Variants in CDKN2A observed in about 807,000 individuals in gnomAD.
CDKN2A encodes cyclin-dependent kinase inhibitor 2A.
CDKN2A carries 3 observed loss-of-function variants against 11.1 expected under a neutral mutation model. That is an observed-to-expected ratio of 0.27 (90% CI 0.12 to 0.70). The LOEUF is 0.70. CDKN2A is among the 30% of genes least tolerant of loss of function. The pLI is 0.77. For missense variants in CDKN2A, 265 were observed against 233.6 expected (o/e 1.13, Z -0.88); for synonymous variants, 122 against 108.1 (o/e 1.13, Z -0.80).
At chr9:21,973,963 T>C (rs746209461) in intron 1 of CDKN2A, among the ~76,000 whole-genome samples, 1 of 151,980 alleles carries the variant, frequency 6.6e-6, no homozygotes, top group Non-Finnish European at 1.5e-5. Context: ...ATCTCGCTGT[T>C]CACTACAACC....
At chr9:21,994,580 C>T (rs1563903454) in intron 1 of CDKN2A, 1 of 967,644 alleles carries the variant, frequency 1.0e-6, no homozygotes, top group Non-Finnish European at 1.4e-6. Context: ...GAGCCCTGCG[C>T]ACGCGGGAAG....
Position 21,968,530 on chromosome 9 carries a change from A to C in CDKN2A, c.458-288T>G. ...GCGACCGCGCGGCCCGCAGGGTTGCAAGAAGAAAACGAGTGTTATATAATG... is the reference window on the plus strand; with the variant it reads ...GCGACCGCGCGGCCCGCAGGGTTGCCAGAAGAAAACGAGTGTTATATAATG... On this transcript the variant is annotated intron_variant, in intron 2 of 2. Transcript: ENST00000304494. The surrounding 1 kb of genome is among the most constrained non-coding windows in gnomAD (Gnocchi z 4.7). The C allele has an allele frequency of 6.9e-7, 1 of 1,450,370 alleles. No individual in the cohort carries two copies. Among genetic ancestry groups the C allele is most frequent in the Non-Finnish European group, 9.0e-7 (1 of 1,108,872 alleles). 89.8% of individuals were successfully genotyped at this position (1,450,370 alleles called of 1,614,324 possible).
At chr9:21,970,707 A>T (rs561052053) in intron 2 of CDKN2A, 195 bp downstream of exon 2, 1 of 683,258 alleles carries the variant, frequency 1.5e-6, no homozygotes, top group Non-Finnish European at 2.5e-6. Context: ...GCGCAAGTCC[A>T]TTTCGGGATT....
intron 2 of CDKN2A, among the ~76,000 whole-genome samples, chr9:21,980,892 GA>G (rs755915837): frequency 0.028 from 4,054 of 145,330 alleles, 187 homozygotes; most frequent in African/African-American, 0.079. Context: ...CCGGGGGGCG[GA>G]GCTTGCAGTG....
chr9:21,990,611 T>TGAGAGAGAGA (rs60431211), intron 2 of CDKN2A, among the ~76,000 whole-genome samples: 1,952 of 89,660 alleles, frequency 0.022, 157 homozygotes, highest in Middle Eastern at 0.058. Context: ...ACTAATTTGG[T>TGAGAGAGAGA]GAGAGAGAGA....
At position 21,988,515 on chromosome 9, in the gene CDKN2A, C is replaced by G. The variant is rs1239732384; in HGVS notation, c.-4+5367G>C. 1.3e-5 allele frequency among the ~76,000 whole-genome samples: 2 copies of G among 152,000 alleles called. No homozygotes were observed. Among genetic ancestry groups the G allele is most frequent in the Non-Finnish European group, 2.9e-5 (2 of 68,018 alleles). On this transcript the variant is annotated intron_variant, in intron 2 of 3. Coordinates refer to the CDKN2A transcript ENST00000494262. This position sits in a 1 kb window ranked among gnomAD's most constrained non-coding sequence, Gnocchi z 4.1. ...ATGCACTGAGAGACACTGACAAGCA[C>G]TGAGAATTTCTTCAACCACCCTTTT...
At position 21,971,011 on chromosome 9, in the gene CDKN2A, G is replaced by C. The variant is rs995881157; in HGVS notation, c.348C>G (p.Asp116Glu). The change falls in exon 2 of 3, where the codon GAC becomes GAG. Residue 116 changes from aspartate to glutamate, a missense_variant. Asp to Glu is a conservative substitution (Grantham distance 45). Transcript: ENST00000304494. Reference protein sequence around the residue: ...VRDAWGRLPVDLAEELGHRDV... With the variant: ...VRDAWGRLPVELAEELGHRDV... ...CGCGATGGCCCAGCTCCTCAGCCAG[G>C]TCCACGGGCAGACGGCCCCAGGCAT... 1 of 1,608,380 alleles carries C rather than the reference G, an allele frequency of 6.2e-7. No individual in the cohort carries two copies. Among genetic ancestry groups the C allele is most frequent in the East Asian group, 2.2e-5 (1 of 44,874 alleles).
intron 2 of CDKN2A, among the ~76,000 whole-genome samples, chr9:21,986,076 G>C (rs1010755778): frequency 6.6e-6 from 1 of 151,984 alleles, no homozygotes; most frequent in South Asian, 2.1e-4. Context: ...GACTACCATA[G>C]GGTCTCAGGT....
Position 21,991,278 on chromosome 9 carries a change from T to G in CDKN2A, c.-4+2604A>C, listed in dbSNP as rs1587355102. Among the ~76,000 whole-genome samples, 1 of 152,038 alleles carries G rather than the reference T, an allele frequency of 6.6e-6. No homozygotes were observed. Among genetic ancestry groups the G allele is most frequent in the African/African-American group, 2.4e-5 (1 of 41,378 alleles). ...GCTGCCCAACACAAATTCATACACTTTCTTAAAGTATCATGAGTTTTTTTT... is the reference window on the plus strand; with the variant it reads ...GCTGCCCAACACAAATTCATACACTGTCTTAAAGTATCATGAGTTTTTTTT... On this transcript the variant is annotated intron_variant, in intron 2 of 3. Coordinates refer to the CDKN2A transcript ENST00000494262. The surrounding 1 kb of genome is among the most constrained non-coding windows in gnomAD (Gnocchi z 5.2).
At chr9:21,983,418 A>G (rs1314508339) in intron 2 of CDKN2A, among the ~76,000 whole-genome samples, 1 of 152,068 alleles carries the variant, frequency 6.6e-6, no homozygotes, top group Non-Finnish European at 1.5e-5. Context: ...AGCATTTTCC[A>G]AACTTCTCCA....
intron 2 of CDKN2A, among the ~76,000 whole-genome samples, chr9:21,987,512 C>A (rs180775278): frequency 6.6e-6 from 1 of 150,508 alleles, no homozygotes; most frequent in Non-Finnish European, 1.5e-5. Flanking sequence ...AAAAAGACAA[C>A]GTATCTTATA....
At chr9:21,969,515 T>C (rs1316829375) in intron 2 of CDKN2A, 5 of 379,958 alleles carry the variant, frequency 1.3e-5, no homozygotes, top group Non-Finnish European at 2.3e-5. Context: ...AGAGGGGGTG[T>C]TGGGGAGTAA....
chr9:21,991,763 C>CA lies in CDKN2A; in HGVS notation c.-4+2118dup. 1 of 985,052 alleles carries CA rather than the reference C, an allele frequency of 1.0e-6. No homozygotes were observed. Among genetic ancestry groups the CA allele is most frequent in the Non-Finnish European group, 1.2e-6 (1 of 829,730 alleles). The allele number at this position is 985,052 out of a possible 1,614,324, so 61.0% of individuals were successfully genotyped here. On this transcript the variant is annotated intron_variant, in intron 2 of 3. Transcript: ENST00000494262. This position sits in a 1 kb window ranked among gnomAD's most constrained non-coding sequence, Gnocchi z 5.2. The stretch of plus-strand genomic sequence containing the variant: ...GGACTTTCTAAAATTCAAGAGTACT[C>CA]AAAGAAGTAAAATGAATATAAGTCT...
chr9:21,991,548 C>T lies in CDKN2A; in HGVS notation c.-4+2334G>A, dbSNP rs916721255. ...TAAAAGCACTGGGCCCACTGTTGAA[C>T]CTTGCTATAAAAAAGTATTTTTGAT... On this transcript the variant is annotated intron_variant, in intron 2 of 3. Coordinates refer to the CDKN2A transcript ENST00000494262. The surrounding 1 kb of genome is among the most constrained non-coding windows in gnomAD (Gnocchi z 5.2). 1.7e-6 allele frequency: 1 copy of T among 576,754 alleles called. No individual in the cohort carries two copies. The highest frequency in any genetic ancestry group is 2.2e-6 in the Non-Finnish European group (1 of 457,194). The allele number at this position is 576,754 out of a possible 1,614,324, so 35.7% of individuals were successfully genotyped here. A position where few individuals can be genotyped will look rare whatever the true frequency, so the allele number is the denominator to read the frequency against.
In CDKN2A at chr9:21,994,292, C is replaced by T. The variant is rs1241364288; in HGVS notation, c.-175-239G>A. ...ACCCTCACTCGCGGCGGGCCGCACGCGCGCCGAATCCGGAGGGTCACCAAG... is the reference window on the plus strand; with the variant it reads ...ACCCTCACTCGCGGCGGGCCGCACGTGCGCCGAATCCGGAGGGTCACCAAG... On this transcript the variant is annotated intron_variant, in intron 1 of 3. Transcript: ENST00000494262. The T allele has an allele frequency of 6.2e-7, 1 of 1,604,176 alleles. No homozygotes were observed. The highest frequency in any genetic ancestry group is 1.3e-5 in the African/African-American group (1 of 74,856).
Position 21,991,088 on chromosome 9 carries a change from AC to A in CDKN2A, c.-4+2793del, listed in dbSNP as rs1820419181. On this transcript the variant is annotated intron_variant, in intron 2 of 3. Coordinates refer to the CDKN2A transcript ENST00000494262. This position sits in a 1 kb window ranked among gnomAD's most constrained non-coding sequence, Gnocchi z 5.2. ...TTTTATATTTAGAAAATGAAACTGTACCCATTGTTTATATAACTTAAACTGC... is the reference window on the plus strand; with the variant it reads ...TTTTATATTTAGAAAATGAAACTGTACCATTGTTTATATAACTTAAACTGC... 6.6e-6 allele frequency among the ~76,000 whole-genome samples: 1 copy of A among 152,202 alleles called. No homozygotes were observed. Among genetic ancestry groups the A allele is most frequent in the Non-Finnish European group, 1.5e-5 (1 of 68,028 alleles).
chr9:21,973,321 G>T (rs989366594), intron 1 of CDKN2A, among the ~76,000 whole-genome samples: 12 of 152,102 alleles, frequency 7.9e-5, no homozygotes, highest in African/African-American at 2.9e-4. Context: ...TATGAATTTA[G>T]TACTTTAAAA....
intron 2 of CDKN2A, chr9:21,989,720 C>T (rs767700745): frequency 6.6e-6 from 1 of 152,298 alleles, no homozygotes; most frequent in Non-Finnish European, 1.5e-5. Flanking sequence ...TCATGTCCTG[C>T]CTTTCGTCTC....
At chr9:21,986,430 C>T (rs1037922739) in intron 2 of CDKN2A, among the ~76,000 whole-genome samples, 1 of 151,744 alleles carries the variant, frequency 6.6e-6, no homozygotes, top group Non-Finnish European at 1.5e-5. Flanking sequence ...ATAGTAGAGG[C>T]CCAAAGGGGT....
Sources: allele counts gnomAD v4.1 joint callset (sites outside exome capture counted in the v4.1 genomes callset), GRCh38; gene constraint gnomAD v4.1.1; non-coding constraint Gnocchi (gnomAD v3.1); transcripts MANE v1.5; gene names NCBI Gene and HGNC (gene_info 2026-07-23, HGNC 2026-07-21).